Variants in GRK7 observed in about 807,000 individuals in gnomAD.
GRK7 encodes the protein G protein-coupled receptor kinase 7.
GRK7 carries 24 observed loss-of-function variants against 34.1 expected under a neutral mutation model. The ratio of observed to expected loss-of-function variants is 0.70; its 90% CI spans 0.51 to 0.99. The LOEUF (loss-of-function observed/expected upper bound fraction) is 0.99, where lower values mean the gene tolerates loss of function less well. GRK7 is among the 50% of genes least tolerant of loss of function. The pLI is 0.00. For synonymous variants in GRK7, 256 were observed against 279.4 expected (o/e 0.92, Z 0.84); for missense variants, 644 against 707.3 (o/e 0.91, Z 1.02).
rs1577916726 is a variant in GRK7, at chr3:141,785,356, A to C, written c.1050+4545A>C. On this transcript the variant is annotated intron_variant, in intron 4 of 5. Transcript: ENST00000682958. ...CAATTTCACGGACAAGACCTCTGTTAAAAATCTCCTGGCTTGCGCTGGGTG... is the reference window on the plus strand; with the variant it reads ...CAATTTCACGGACAAGACCTCTGTTCAAAATCTCCTGGCTTGCGCTGGGTG... Among the ~76,000 whole-genome samples the C allele has an allele frequency of 1.3e-5, 2 of 152,348 alleles. 1 individual carries two copies. Among genetic ancestry groups the C allele is most frequent in the Middle Eastern group, 6.8e-3 (2 of 294 alleles).
At chr3:141,773,945 T>C (rs760446706) in intron 1 of GRK7, among the ~76,000 whole-genome samples, 11 of 152,212 alleles carry the variant, frequency 7.2e-5, no homozygotes, top group Non-Finnish European at 1.6e-4. Context: ...TCTTAACTGT[T>C]GGGCCACATC....
At position 141,778,374 on chromosome 3, in the gene GRK7, G is replaced by A; in HGVS notation, c.90G>A (p.Leu30=). The change falls in exon 3 of 6, where the codon CTG becomes CTA. Residue 30 remains leucine (L), a synonymous_variant. Transcript: ENST00000682958. This position sits in a 1 kb window ranked among gnomAD's most constrained non-coding sequence, Gnocchi z 4.1. The part of the protein sequence containing the change: ...RKPSDCDSKE[L]QRRRRSLALP... Reference sequence around the variant, plus strand: ...CCTCGGACTGCGACAGCAAAGAGCTGCAGCGGCGGCGGCGTAGCCTGGCCC... The same window carrying A: ...CCTCGGACTGCGACAGCAAAGAGCTACAGCGGCGGCGGCGTAGCCTGGCCC... The A allele has an allele frequency of 6.2e-7, 1 of 1,611,562 alleles. No individual in the cohort carries two copies. Among genetic ancestry groups the A allele is most frequent in the Non-Finnish European group, 8.5e-7 (1 of 1,178,812 alleles).
rs139301292 is a variant in GRK7 at position 141,793,595 on chromosome 3, T to C, written c.1050+12784T>C. Among the ~76,000 whole-genome samples the C allele has an allele frequency of 2.0e-5, 3 of 152,318 alleles. No individual in the cohort carries two copies. In the East Asian group the frequency reaches 5.8e-4, roughly 29 times the overall value. ...AGCTCTGGAGTTGGGATGACTCTTC[T>C]GAGTTGGCCCAAATTGAGGTGGGGT... On this transcript the variant is annotated intron_variant, in intron 4 of 5. Coordinates refer to ENST00000682958, the MANE Select transcript of GRK7 (RefSeq NM_139209.3).
chr3:141,816,809 A>G lies in GRK7; in HGVS notation c.1421A>G (p.Asp474Gly). Residue 474 changes from aspartate (D) to glycine (G), a missense_variant, in exon 6 of 6, where the codon GAC becomes GGC. Physicochemically the swap from Asp to Gly is moderately conservative, Grantham distance 94. Coordinates refer to ENST00000682958, the MANE Select transcript of GRK7 (RefSeq NM_139209.3). Reference sequence around the variant, plus strand: ...CTAATTGAACCCCCATTTGTGCCAGACCCTTCAGTGGTTTATGCCAAAGAC... The same window carrying G: ...CTAATTGAACCCCCATTTGTGCCAGGCCCTTCAGTGGTTTATGCCAAAGAC... ...AGLIEPPFVP[D>G]PSVVYAKDIA... 1 of 1,609,922 alleles carries G rather than the reference A, an allele frequency of 6.2e-7. No individual in the cohort carries two copies. Among genetic ancestry groups the G allele is most frequent in the African/African-American group, 1.3e-5 (1 of 74,940 alleles).
chr3:141,778,073 A>G lies in GRK7; in HGVS notation c.-113-99A>G. On this transcript the variant is annotated intron_variant, in intron 2 of 5. Transcript: ENST00000682958. This position sits in a 1 kb window ranked among gnomAD's most constrained non-coding sequence, Gnocchi z 4.1. ...AGCTTTCGCCTTGGCAGGTGGGAGC[A>G]TGACCTATCGTGTGCAGTTCCTGGC... 3.5e-6 allele frequency: 2 copies of G among 566,872 alleles called. No homozygotes were observed. The highest frequency in any genetic ancestry group is 3.1e-5 in the South Asian group (1 of 32,292). The allele number at this position is 566,872 out of a possible 1,614,324, so 35.1% of individuals were successfully genotyped here.
rs1420196309 is a variant in GRK7 at position 141,778,492 on chromosome 3, T to C, written c.208T>C (p.Phe70Leu). ...CEQQPIGRRL[F>L]RDFLATVPTF... ...GCAGCAGCCCATCGGTCGCCGCCTC[T>C]TCCGTGACTTCCTAGCCACAGTGCC... is the stretch of plus-strand genomic sequence containing the variant. The change falls in exon 3 of 6, where the codon TTC becomes CTC. Residue 70 changes from phenylalanine (F) to leucine (L), a missense_variant. Physicochemically the swap from Phe to Leu is conservative, Grantham distance 22. Transcript: ENST00000682958. This position sits in a 1 kb window ranked among gnomAD's most constrained non-coding sequence, Gnocchi z 4.1. 9 of 1,613,128 alleles carry C rather than the reference T, an allele frequency of 5.6e-6. No homozygotes were observed. The highest frequency in any genetic ancestry group is 5.5e-5 in the South Asian group (5 of 91,088).
intron 4 of GRK7, among the ~76,000 whole-genome samples, chr3:141,803,836 C>G (rs936822636): frequency 6.6e-5 from 10 of 152,178 alleles, no homozygotes; most frequent in African/African-American, 2.4e-4. Flanking sequence ...ATTCTCCTGT[C>G]TCAGCCTCCC....
chr3:141,766,652 A>G (rs967115684), intron 1 of GRK7, among the ~76,000 whole-genome samples: 2 of 152,204 alleles, frequency 1.3e-5, no homozygotes, highest in African/African-American at 4.8e-5. Flanking sequence ...CCCTTGTTTC[A>G]TTCATTATTA....
the GRK7 span, among the ~76,000 whole-genome samples, chr3:141,751,543 T>A: frequency 6.6e-6 from 1 of 152,222 alleles, no homozygotes; most frequent in Non-Finnish European, 1.5e-5. Flanking sequence ...CCATTTCTCA[T>A]GTGGATTATA....
the GRK7 span, among the ~76,000 whole-genome samples, chr3:141,755,168 T>C: frequency 1.3e-5 from 2 of 152,224 alleles, no homozygotes; most frequent in African/African-American, 2.4e-5. Flanking sequence ...GTTGCTTCTA[T>C]ACTTGTCCTG....
intron 1 of GRK7, among the ~76,000 whole-genome samples, chr3:141,768,657 CAT>C (rs2084601796): frequency 6.6e-6 from 1 of 152,080 alleles, no homozygotes; most frequent in Admixed American, 6.6e-5. Context: ...AGCTCCCCAT[CAT>C]ATGTCTCTCC....
intron 4 of GRK7, among the ~76,000 whole-genome samples, chr3:141,785,228 A>G (rs2084689920): frequency 6.6e-6 from 1 of 152,238 alleles, no homozygotes; most frequent in African/African-American, 2.4e-5. Flanking sequence ...AAATTTGGCT[A>G]GCTTTTTCTC....
chr3:141,809,559 G>A (rs1559848202), intron 5 of GRK7, among the ~76,000 whole-genome samples: 1 of 152,026 alleles, frequency 6.6e-6, no homozygotes, highest in South Asian at 2.1e-4. Context: ...TTAGCCAGGT[G>A]TAGAAGTGCA....
the GRK7 span, among the ~76,000 whole-genome samples, chr3:141,750,694 T>C: frequency 7.6e-4 from 115 of 152,206 alleles, no homozygotes; most frequent in South Asian, 0.013. Flanking sequence ...GTAAGACTTA[T>C]GATGTGTGTG....
At chr3:141,800,141 T>C (rs562104053) in intron 4 of GRK7, among the ~76,000 whole-genome samples, 27 of 152,168 alleles carry the variant, frequency 1.8e-4, no homozygotes, top group African/African-American at 6.3e-4. Context: ...CCCAAGAACA[T>C]GAGGCCCAAA....
intron 5 of GRK7, among the ~76,000 whole-genome samples, chr3:141,809,972 T>C (rs1276343564): frequency 6.6e-6 from 1 of 152,218 alleles, no homozygotes; most frequent in Non-Finnish European, 1.5e-5. Flanking sequence ...AATACTCAGA[T>C]ATTTGGTCAA....
the GRK7 span, among the ~76,000 whole-genome samples, chr3:141,753,427 G>C: frequency 1.3e-5 from 2 of 152,150 alleles, no homozygotes; most frequent in African/African-American, 4.8e-5. Context: ...TTCCACAGTG[G>C]GGTGGAAGAT....
the GRK7 span, among the ~76,000 whole-genome samples, chr3:141,752,442 C>T: frequency 2.6e-5 from 4 of 152,010 alleles, no homozygotes; most frequent in African/African-American, 9.7e-5. Context: ...AGGACAGCCC[C>T]ACAACAAAGA....
At chr3:141,766,714 A>G (rs2084583273) in intron 1 of GRK7, among the ~76,000 whole-genome samples, 1 of 152,224 alleles carries the variant, frequency 6.6e-6, no homozygotes, top group Non-Finnish European at 1.5e-5. Flanking sequence ...CACATATCAA[A>G]TCTATGTTTT....
Sources: allele counts gnomAD v4.1 joint callset (sites outside exome capture counted in the v4.1 genomes callset), GRCh38; gene constraint gnomAD v4.1.1; non-coding constraint Gnocchi (gnomAD v3.1); transcripts MANE v1.5; gene names NCBI Gene and HGNC (gene_info 2026-07-23, HGNC 2026-07-21).